Variants in GPHN observed in about 807,000 individuals in gnomAD.
GPHN encodes gephyrin.
A neutral mutation model predicts 95.5 loss-of-function variants in GPHN; 17 were observed. The ratio of observed to expected loss-of-function variants is 0.18; its 90% CI spans 0.12 to 0.27. GPHN has a LOEUF of 0.27. Ranked by LOEUF, GPHN falls within the 10% of genes least tolerant of loss-of-function variation. The pLI is 1.00. For missense variants in GPHN, 660 were observed against 978.1 expected (o/e 0.67, Z 4.34); for synonymous variants, 320 against 322.5 (o/e 0.99, Z 0.08).
the GPHN span, chr14:67,302,368 G>T: frequency 7.0e-6 from 9 of 1,281,998 alleles, no homozygotes; most frequent in African/African-American, 1.3e-4. Context: ...AACAAAAATT[G>T]TATTATTTTT....
intron 11 of GPHN, among the ~76,000 whole-genome samples, chr14:67,079,264 T>C (rs2076603594): frequency 6.6e-6 from 1 of 152,066 alleles, no homozygotes; most frequent in Admixed American, 6.6e-5. Flanking sequence ...TGTGTAGCCA[T>C]CACCACAATT....
At chr14:67,037,205 CGTT>C (rs1183331777) in intron 10 of GPHN, among the ~76,000 whole-genome samples, 1 of 151,908 alleles carries the variant, frequency 6.6e-6, no homozygotes, top group African/African-American at 2.4e-5. Context: ...CTTCAATAAA[CGTT>C]GTTGGGAAAA....
At chr14:67,362,199 TA>T in the GPHN span, among the ~76,000 whole-genome samples, 2 of 151,866 alleles carry the variant, frequency 1.3e-5, no homozygotes, top group Non-Finnish European at 2.9e-5. Flanking sequence ...TTGGTATTTT[TA>T]GTAGAAATGG....
chr14:67,701,667 C>T, the GPHN span, among the ~76,000 whole-genome samples: 1 of 152,008 alleles, frequency 6.6e-6, no homozygotes, highest in African/African-American at 2.4e-5. Flanking sequence ...TGTGATCCGC[C>T]CACTTCAGCC....
intron 21 of GPHN, 31 bp downstream of exon 21, chr14:67,169,067 T>C (rs974313839): frequency 1.6e-6 from 2 of 1,268,506 alleles, no homozygotes; most frequent in African/African-American, 1.5e-5. Flanking sequence ...GAAACCAAAA[T>C]GGAAGCCTGG....
chr14:66,858,266 T>C (rs1038808436), intron 4 of GPHN, among the ~76,000 whole-genome samples: 1 of 151,598 alleles, frequency 6.6e-6, no homozygotes, highest in African/African-American at 2.4e-5. Context: ...AGAGACCCCA[T>C]GCTTCTGCTT....
the GPHN span, chr14:67,691,248 C>T: frequency 4.8e-5 from 77 of 1,608,798 alleles, no homozygotes; most frequent in Non-Finnish European, 6.5e-5. Flanking sequence ...TTTTCCTCTG[C>T]AGGGACAAGA....
the GPHN span, among the ~76,000 whole-genome samples, chr14:67,685,694 C>T: frequency 0.012 from 1,760 of 152,050 alleles, 33 homozygotes; most frequent in African/African-American, 0.04. Flanking sequence ...GATCTTCCTT[C>T]TGCCACTGCC....
At chr14:67,687,529 T>C in the GPHN span, among the ~76,000 whole-genome samples, 8 of 145,934 alleles carry the variant, frequency 5.5e-5, no homozygotes, top group Non-Finnish European at 1.0e-4. Context: ...TGGGGTGCAA[T>C]GGTATGATCT....
chr14:66,851,542 T>C (rs2062585723), intron 4 of GPHN, among the ~76,000 whole-genome samples: 1 of 152,176 alleles, frequency 6.6e-6, no homozygotes, highest in Non-Finnish European at 1.5e-5. Context: ...CATAACTATA[T>C]TGTATAATAC....
chr14:67,330,455 ATTT>A, the GPHN span, among the ~76,000 whole-genome samples: 17,206 of 117,574 alleles, frequency 0.15, 1,756 homozygotes, highest in East Asian at 0.36. Context: ...ATTTCCCTTC[ATTT>A]TTTTTTTTTT....
At chr14:66,831,633 C>A (rs1566991863) in intron 4 of GPHN, among the ~76,000 whole-genome samples, 1 of 152,180 alleles carries the variant, frequency 6.6e-6, no homozygotes, top group East Asian at 1.9e-4. Flanking sequence ...TACTTACTAA[C>A]TATGAAACTT....
chr14:66,913,184 T>G (rs2065752252), intron 5 of GPHN, among the ~76,000 whole-genome samples: 1 of 152,202 alleles, frequency 6.6e-6, no homozygotes, highest in Non-Finnish European at 1.5e-5. Context: ...ATCTTTCCAC[T>G]GGTCCTTCTT....
chr14:66,806,785 C>G (rs1404156347), intron 3 of GPHN, among the ~76,000 whole-genome samples: 2 of 152,196 alleles, frequency 1.3e-5, no homozygotes, highest in Non-Finnish European at 2.9e-5. Flanking sequence ...ATATTGCTAT[C>G]AGCATTTTGG....
chr14:66,530,627 A>G (rs2058883556), intron 1 of GPHN, among the ~76,000 whole-genome samples: 1 of 152,206 alleles, frequency 6.6e-6, no homozygotes, highest in Admixed American at 6.5e-5. Flanking sequence ...TGGGTTGTGA[A>G]GACCAAGGGA....
chr14:67,233,954 G>C, the GPHN span, among the ~76,000 whole-genome samples: 1 of 152,202 alleles, frequency 6.6e-6, no homozygotes, highest in East Asian at 1.9e-4. Flanking sequence ...GGAGTAAACA[G>C]TATATAGATG....
chr14:67,359,539 TG>T, the GPHN span: 1 of 1,168,120 alleles, frequency 8.6e-7, no homozygotes, highest in Non-Finnish European at 1.2e-6. Flanking sequence ...GAAAAGAACC[TG>T]GGAAAAGCTC....
chr14:66,658,895 A>T (rs1595437943), intron 1 of GPHN, among the ~76,000 whole-genome samples: 2 of 148,982 alleles, frequency 1.3e-5, no homozygotes, highest in Non-Finnish European at 1.5e-5. Flanking sequence ...TTTTTTTTTT[A>T]AGATCCAGCT....
At chr14:67,467,041 T>A in the GPHN span, 3 of 146,638 alleles carry the variant, frequency 2.0e-5, no homozygotes, top group African/African-American at 2.5e-5. Flanking sequence ...TCTGAAAGTA[T>A]CAGTAATCAA....
Sources: allele counts gnomAD v4.1 joint callset (sites outside exome capture counted in the v4.1 genomes callset), GRCh38; gene constraint gnomAD v4.1.1; transcripts MANE v1.5; gene names NCBI Gene and HGNC (gene_info 2026-07-23, HGNC 2026-07-21).